Variants in TTC28 observed in about 807,000 individuals in gnomAD.
TTC28 encodes tetratricopeptide repeat protein 28.
Under a neutral mutation model 198.0 loss-of-function variants are expected in TTC28, and 61 were observed. The ratio of observed to expected loss-of-function variants is 0.31; its 90% CI spans 0.25 to 0.38. The LOEUF (loss-of-function observed/expected upper bound fraction) is 0.38. Among genes scored for constraint, TTC28 ranks in the 10% least tolerant of loss-of-function variants. The pLI, the probability that TTC28 is intolerant of heterozygous loss-of-function variation, is 1.00. For missense variants in TTC28, 2,678 were observed against 3,164.0 expected (o/e 0.85, Z 3.69); for synonymous variants, 1,171 against 1,297.8 (o/e 0.90, Z 2.10).
intron 5 of TTC28, among the ~76,000 whole-genome samples, chr22:28,265,345 C>T (rs983178495): frequency 6.6e-6 from 1 of 152,120 alleles, no homozygotes; most frequent in Non-Finnish European, 1.5e-5. Context: ...TATCAGTGCT[C>T]ATTAGTTCAC....
intron 2 of TTC28, among the ~76,000 whole-genome samples, chr22:28,368,297 T>C (rs1482154949): frequency 6.6e-6 from 1 of 152,040 alleles, no homozygotes; most frequent in African/African-American, 2.4e-5. Flanking sequence ...CCAAAATACA[T>C]ATGATCATTT....
intron 2 of TTC28, among the ~76,000 whole-genome samples, chr22:28,492,205 C>A (rs113715994): frequency 5.9e-4 from 90 of 151,862 alleles, no homozygotes; most frequent in African/African-American, 2.2e-3. Context: ...GGCACATGTA[C>A]ACATATGTAA....
At chr22:28,409,899 G>A (rs1021631273) in intron 2 of TTC28, among the ~76,000 whole-genome samples, 11 of 141,882 alleles carry the variant, frequency 7.8e-5, no homozygotes, top group East Asian at 4.2e-4. Context: ...CTCATGATCC[G>A]CCCATCTCAG....
intron 2 of TTC28, among the ~76,000 whole-genome samples, chr22:28,520,843 A>C (rs1043089968): frequency 3.3e-5 from 5 of 152,088 alleles, no homozygotes; most frequent in African/African-American, 4.8e-5. Flanking sequence ...ACTTGAAGTC[A>C]GGATTTCAAG....
At position 28,596,718 on chromosome 22, in the gene TTC28, T is replaced by C. The variant is rs569914170; in HGVS notation, c.381+32834A>G. ...CTCCTGCATAAACTACTGTACATTATAGATGACTGTACCAGGATCTTATGC... is the reference window on the plus strand; with the variant it reads ...CTCCTGCATAAACTACTGTACATTACAGATGACTGTACCAGGATCTTATGC... On this transcript the variant is annotated intron_variant, in intron 2 of 22. Coordinates refer to ENST00000397906, the MANE Select transcript of TTC28 (RefSeq NM_001145418.2). Among the ~76,000 whole-genome samples, 5 of 152,330 alleles carry C rather than the reference T, an allele frequency of 3.3e-5. No individual in the cohort carries two copies. In the East Asian group the frequency reaches 5.8e-4, roughly 18 times the overall value.
intron 12 of TTC28, among the ~76,000 whole-genome samples, chr22:28,037,590 C>A (rs1196553803): frequency 2.6e-5 from 4 of 152,170 alleles, no homozygotes; most frequent in Non-Finnish European, 5.9e-5. Flanking sequence ...TGGAAGCATT[C>A]CCTTTGAAAA....
At chr22:28,134,789 G>A (rs1439846243) in intron 6 of TTC28, among the ~76,000 whole-genome samples, 1 of 151,868 alleles carries the variant, frequency 6.6e-6, no homozygotes, top group African/African-American at 2.4e-5. Flanking sequence ...ATATTATCCA[G>A]GAGAACTGGA....
At chr22:28,033,494 C>T (rs1161670181) in intron 12 of TTC28, among the ~76,000 whole-genome samples, 5 of 152,166 alleles carry the variant, frequency 3.3e-5, no homozygotes, top group Admixed American at 6.5e-5. Flanking sequence ...AGGGGCTAAA[C>T]AGATGAGGGT....
At chr22:28,413,437 T>G (rs539079479) in intron 2 of TTC28, among the ~76,000 whole-genome samples, 2 of 152,112 alleles carry the variant, frequency 1.3e-5, no homozygotes, top group Admixed American at 1.3e-4. Context: ...AAAAAAAGTT[T>G]CTAGTCGTCT....
chr22:28,333,930 C>T (rs2045659115), intron 2 of TTC28, among the ~76,000 whole-genome samples: 1 of 151,806 alleles, frequency 6.6e-6, no homozygotes, highest in African/African-American at 2.4e-5. Context: ...ATACATGTGC[C>T]ATGCTGGTGT....
At chr22:28,638,404 C>T (rs1019809844) in intron 1 of TTC28, among the ~76,000 whole-genome samples, 1 of 151,188 alleles carries the variant, frequency 6.6e-6, no homozygotes, top group African/African-American at 2.4e-5. Context: ...GAACTGAGTC[C>T]TAAGTACAAC....
chr22:28,265,719 C>A (rs1245382147), intron 5 of TTC28, among the ~76,000 whole-genome samples: 1 of 151,940 alleles, frequency 6.6e-6, no homozygotes, highest in African/African-American at 2.4e-5. Context: ...CAAAGGCCAG[C>A]CATAGTAAAT....
At chr22:28,356,202 A>C (rs562920520) in intron 2 of TTC28, among the ~76,000 whole-genome samples, 8 of 151,814 alleles carry the variant, frequency 5.3e-5, no homozygotes, top group South Asian at 4.2e-4. Flanking sequence ...TCCAGCTACT[A>C]CTCTCTTCCC....
intron 6 of TTC28, among the ~76,000 whole-genome samples, chr22:28,111,461 G>T (rs1942479813): frequency 6.6e-6 from 1 of 152,092 alleles, no homozygotes; most frequent in Non-Finnish European, 1.5e-5. Context: ...TTAACATGTG[G>T]TCCTAAACCA....
intron 2 of TTC28, among the ~76,000 whole-genome samples, chr22:28,339,484 C>A (rs926812607): frequency 5.9e-5 from 9 of 152,236 alleles, no homozygotes; most frequent in African/African-American, 1.9e-4. Context: ...GCCCTGCCCC[C>A]AGAGGTGGAG....
chr22:28,184,536 T>C (rs1012933085), intron 5 of TTC28, among the ~76,000 whole-genome samples: 6 of 152,094 alleles, frequency 3.9e-5, no homozygotes, highest in African/African-American at 1.4e-4. Flanking sequence ...TGAAGAAAAA[T>C]TAAATTTTTA....
chr22:28,427,671 A>G (rs1312047579), intron 2 of TTC28, among the ~76,000 whole-genome samples: 2 of 152,206 alleles, frequency 1.3e-5, no homozygotes, highest in African/African-American at 2.4e-5. Flanking sequence ...GAGGAAAAGA[A>G]TATTTCCATA....
Position 27,982,287 on chromosome 22 carries a change from C to A in TTC28, c.7380G>T (p.Arg2460Ser). 1 of 1,489,296 alleles carries A rather than the reference C, an allele frequency of 6.7e-7. No individual in the cohort carries two copies. Among genetic ancestry groups the A allele is most frequent in the South Asian group, 1.4e-5 (1 of 73,364 alleles). 92.3% of individuals were successfully genotyped at this position (1,489,296 alleles called of 1,614,324 possible). The part of the protein sequence containing the change: ...PPATAPARPL[R>S]LPSGNGYKFL... ...ACTTGTAGCCATTTCCAGAAGGAAGCCTCAAAGGGCGCGCGGGGGCTGTGG... is the reference window on the plus strand; with the variant it reads ...ACTTGTAGCCATTTCCAGAAGGAAGACTCAAAGGGCGCGCGGGGGCTGTGG... The change falls in exon 23 of 23, where the codon AGG (arginine) becomes AGT (serine). Residue 2460 changes from arginine (R) to serine (S), a missense_variant. Arg to Ser is a moderately radical substitution (Grantham distance 110, BLOSUM62 -1). Transcript: ENST00000397906. This position sits in a 1 kb window ranked among gnomAD's most constrained non-coding sequence, Gnocchi z 5.2.
chr22:28,409,650 GCTTTTT>G (rs1244549458), intron 2 of TTC28, among the ~76,000 whole-genome samples: 1 of 149,496 alleles, frequency 6.7e-6, no homozygotes, highest in East Asian at 1.9e-4. Flanking sequence ...TAACCTTTGT[GCTTTTT>G]CTTTTTCTTT....
Sources: gnomAD v4.1 joint callset for allele counts (sites outside exome capture counted in the v4.1 genomes callset) on GRCh38, gnomAD v4.1.1 for gene constraint, Gnocchi (gnomAD v3.1) non-coding constraint, MANE v1.5 for transcripts, NCBI Gene and HGNC (gene_info 2026-07-23, HGNC 2026-07-21) for gene names.